The following TNFSF4 variants were observed in gnomAD, a reference collection of about 807,000 sequenced individuals.
The protein encoded by TNFSF4 is TNF superfamily member 4, also known as tumor necrosis factor ligand superfamily member 4.
In TNFSF4, 4 loss-of-function variants were observed where a neutral mutation model predicts 7.3. The observed-to-expected ratio is 0.55, with a 90% CI of 0.27 to 1.25. TNFSF4 has a LOEUF of 1.25. Among genes scored for constraint, TNFSF4 ranks in the 50% most tolerant of loss-of-function variants. The probability of loss-of-function intolerance (pLI) is 0.12; values close to 1 mark genes in which losing one functional copy is unlikely to be tolerated. For synonymous variants in TNFSF4, 76 were observed against 83.7 expected, an observed-to-expected ratio of 0.91 and a Z score of 0.50; for missense variants, 181 against 208.8, an observed-to-expected ratio of 0.87 and a Z score of 0.82.
chr1:173,391,752 T>G, the TNFSF4 span, among the ~76,000 whole-genome samples: 2 of 152,224 alleles, frequency 1.3e-5, no homozygotes, highest in East Asian at 3.9e-4. Flanking sequence ...AACTAGCAAT[T>G]ACCATGAAAT....
chr1:173,190,270 C>T (rs914087781), intron 1 of TNFSF4, among the ~76,000 whole-genome samples: 6 of 152,132 alleles, frequency 3.9e-5, no homozygotes, highest in East Asian at 1.9e-4. Context: ...TTTGGCATGA[C>T]GTCCTAATCA....
At chr1:173,273,278 A>G in the TNFSF4 span, among the ~76,000 whole-genome samples, 1 of 152,136 alleles carries the variant, frequency 6.6e-6, no homozygotes, top group Non-Finnish European at 1.5e-5. Flanking sequence ...CATAAATTTG[A>G]TGTTTGTTCT....
At chr1:173,436,495 T>C in the TNFSF4 span, among the ~76,000 whole-genome samples, 4 of 152,098 alleles carry the variant, frequency 2.6e-5, no homozygotes, top group African/African-American at 9.7e-5. Context: ...CTGCAACCTC[T>C]CCCTCCCGGG....
chr1:173,248,425 G>A, the TNFSF4 span, among the ~76,000 whole-genome samples: 2 of 140,754 alleles, frequency 1.4e-5, no homozygotes, highest in African/African-American at 2.7e-5. Context: ...GAAGGAAAGA[G>A]GGAGAAAGAA....
At chr1:173,328,571 A>G in the TNFSF4 span, among the ~76,000 whole-genome samples, 10 of 151,960 alleles carry the variant, frequency 6.6e-5, no homozygotes, top group African/African-American at 2.4e-4. Context: ...CCCCCCCAAA[A>G]AAAAAACCCT....
In TNFSF4 at chr1:173,186,507, A is replaced by T; in HGVS notation, c.*9T>A. 1 of 1,601,154 alleles carries T rather than the reference A, an allele frequency of 6.2e-7. No homozygotes were observed. The highest frequency in any genetic ancestry group is 8.5e-7 in the Non-Finnish European group (1 of 1,171,828). On this transcript the variant is annotated 3_prime_UTR_variant, in exon 3 of 3. Coordinates refer to ENST00000281834, the MANE Select transcript of TNFSF4 (RefSeq NM_003326.5). ...CTGGTGCCTGGTTTTAGATATTGCC[A>T]TCAGCCCCTCAAAGGACACAGAATT...
At chr1:173,324,936 T>A in the TNFSF4 span, among the ~76,000 whole-genome samples, 4 of 152,280 alleles carry the variant, frequency 2.6e-5, 1 homozygote, top group African/African-American at 9.6e-5. Context: ...CACCCCACTG[T>A]CAACATTAGA....
the TNFSF4 span, among the ~76,000 whole-genome samples, chr1:173,299,582 A>G: frequency 3.3e-5 from 5 of 151,988 alleles, no homozygotes; most frequent in Admixed American, 1.3e-4. Flanking sequence ...ACTAAATTGC[A>G]TTGTGTTTTA....
the TNFSF4 span, among the ~76,000 whole-genome samples, chr1:173,405,053 T>A: frequency 2.0e-5 from 3 of 152,242 alleles, no homozygotes; most frequent in Non-Finnish European, 4.4e-5. Context: ...TATAATTTAC[T>A]TATGTTCATT....
the TNFSF4 span, among the ~76,000 whole-genome samples, chr1:173,359,314 T>C: frequency 2.6e-5 from 4 of 152,130 alleles, no homozygotes; most frequent in African/African-American, 7.2e-5. Context: ...TCACGCCTGG[T>C]CATTTCAACA....
At chr1:173,393,500 G>C in the TNFSF4 span, among the ~76,000 whole-genome samples, 28 of 152,184 alleles carry the variant, frequency 1.8e-4, no homozygotes, top group South Asian at 3.5e-3. Context: ...GTACCCCCAT[G>C]GTAAGGTCCA....
Position 173,186,118 on chromosome 1 carries a change from C to T in TNFSF4, c.*398G>A, listed in dbSNP as rs1649214871. 1 of 173,118 alleles carries T rather than the reference C, an allele frequency of 5.8e-6. No homozygotes were observed. The highest frequency in any genetic ancestry group is 1.4e-4 in the South Asian group (1 of 7,332). 10.7% of individuals were successfully genotyped at this position (173,118 alleles called of 1,614,324 possible). ...TTGCTCCTCTTCATTTTGATAATGC[C>T]ACACACATGTCAAATTTCCAGCAAA... On this transcript the variant is annotated 3_prime_UTR_variant, in exon 3 of 3. Coordinates refer to ENST00000281834, the MANE Select transcript of TNFSF4 (RefSeq NM_003326.5).
chr1:173,325,144 C>G, the TNFSF4 span, among the ~76,000 whole-genome samples: 1 of 152,148 alleles, frequency 6.6e-6, no homozygotes, highest in African/African-American at 2.4e-5. Context: ...TGTAAAAGAA[C>G]AGAAATTATA....
the TNFSF4 span, among the ~76,000 whole-genome samples, chr1:173,230,800 ACC>A: frequency 6.6e-6 from 1 of 152,052 alleles, no homozygotes; most frequent in Non-Finnish European, 1.5e-5. Context: ...ACTATAAAAT[ACC>A]TAAATACTAG....
At chr1:173,437,179 C>T in the TNFSF4 span, among the ~76,000 whole-genome samples, 1 of 152,194 alleles carries the variant, frequency 6.6e-6, no homozygotes, top group East Asian at 1.9e-4. Flanking sequence ...CCCCTCCAGG[C>T]TCTGCCCTAT....
the TNFSF4 span, among the ~76,000 whole-genome samples, chr1:173,393,862 T>C: frequency 5.9e-5 from 9 of 152,328 alleles, 1 homozygote; most frequent in East Asian, 1.5e-3. Context: ...AATGAACTTA[T>C]GCAATAAGCA....
chr1:173,429,852 G>A, the TNFSF4 span, among the ~76,000 whole-genome samples: 1 of 152,208 alleles, frequency 6.6e-6, no homozygotes, highest in South Asian at 2.1e-4. Context: ...AAGTGACATT[G>A]GTCATAGCAA....
chr1:173,251,885 C>G, the TNFSF4 span, among the ~76,000 whole-genome samples: 3 of 151,982 alleles, frequency 2.0e-5, no homozygotes, highest in African/African-American at 7.2e-5. Context: ...TTGTGCCTAC[C>G]CTATATGGCA....
chr1:173,276,700 A>G, the TNFSF4 span, among the ~76,000 whole-genome samples: 1 of 152,144 alleles, frequency 6.6e-6, no homozygotes, highest in South Asian at 2.1e-4. Context: ...ACTAAGTACT[A>G]TTGAGAAGAA....
Sources: allele counts gnomAD v4.1 joint callset (sites outside exome capture counted in the v4.1 genomes callset), GRCh38; gene constraint gnomAD v4.1.1; transcripts MANE v1.5; gene names NCBI Gene and HGNC (gene_info 2026-07-23, HGNC 2026-07-21).